Variants in CFAP61 observed in about 807,000 individuals in gnomAD.
CFAP61 encodes the protein cilia- and flagella-associated protein 61.
In CFAP61, 107 loss-of-function variants were observed where a neutral mutation model predicts 135.6. That is an observed-to-expected ratio of 0.79 (90% CI 0.67 to 0.93). The LOEUF is 0.93. CFAP61 is among the 40% of genes least tolerant of loss of function. CFAP61 has a pLI of 0.00. For missense variants in CFAP61, 1,507 were observed against 1,556.2 expected, an observed-to-expected ratio of 0.97 and a Z score of 0.53; for synonymous variants, 575 against 578.5, an observed-to-expected ratio of 0.99 and a Z score of 0.09.
chr20:20,327,215 T>A (rs374115721), intron 25 of CFAP61, among the ~76,000 whole-genome samples: 2 of 152,192 alleles, frequency 1.3e-5, no homozygotes, highest in East Asian at 3.8e-4. Context: ...CCTTTTTTCT[T>A]TCCTCTCCAA....
chr20:20,086,743 G>T (rs1377411079), intron 6 of CFAP61, among the ~76,000 whole-genome samples: 2 of 152,192 alleles, frequency 1.3e-5, no homozygotes, highest in African/African-American at 4.8e-5. Flanking sequence ...AACTGCTACA[G>T]AATTCCTTCT....
intron 6 of CFAP61, among the ~76,000 whole-genome samples, chr20:20,089,063 G>A (rs917395699): frequency 1.3e-5 from 2 of 152,074 alleles, no homozygotes; most frequent in Non-Finnish European, 2.9e-5. Context: ...CTGGCAGGAC[G>A]ATAACCTCTG....
At chr20:20,175,879 T>C (rs955557890) in intron 13 of CFAP61, among the ~76,000 whole-genome samples, 2 of 152,034 alleles carry the variant, frequency 1.3e-5, no homozygotes, top group African/African-American at 4.8e-5. Flanking sequence ...AAAATAATTG[T>C]GATTTATTAC....
At chr20:20,139,617 A>G (rs902503359) in intron 8 of CFAP61, among the ~76,000 whole-genome samples, 4 of 152,210 alleles carry the variant, frequency 2.6e-5, no homozygotes, top group Admixed American at 2.0e-4. Context: ...TAAACCTCGC[A>G]AGACCCCAGA....
intron 25 of CFAP61, among the ~76,000 whole-genome samples, chr20:20,337,309 G>A (rs2058240142): frequency 1.6e-5 from 2 of 122,682 alleles, no homozygotes; most frequent in Admixed American, 8.2e-5. Context: ...TGGATGGATG[G>A]ATGGATGGAT....
intron 26 of CFAP61, 22 bp downstream of exon 26, chr20:20,341,943 G>C: frequency 1.4e-5 from 22 of 1,519,814 alleles, no homozygotes; most frequent in Non-Finnish European, 1.9e-5. Flanking sequence ...TAATGGATAT[G>C]TGGATTATTC....
intron 20 of CFAP61, among the ~76,000 whole-genome samples, chr20:20,255,128 A>G (rs561101019): frequency 6.6e-6 from 1 of 152,302 alleles, no homozygotes; most frequent in South Asian, 2.1e-4. Flanking sequence ...GAAGATGAAG[A>G]TTTAGCTGGC....
At chr20:20,102,847 A>G (rs1319457723) in intron 8 of CFAP61, among the ~76,000 whole-genome samples, 1 of 152,124 alleles carries the variant, frequency 6.6e-6, no homozygotes, top group African/African-American at 2.4e-5. Context: ...TTGCAATTTC[A>G]CACCAACCTC....
In CFAP61 at chr20:20,150,042, A is replaced by C. The variant is rs193226038; in HGVS notation, c.951+7094A>C. ...ATAAACTTGTCGCTCTTAGCAGAGC[A>C]TGGCAAGAGCGAGACTGGCCTCACC... is the stretch of plus-strand genomic sequence containing the variant. On this transcript the variant is annotated intron_variant, in intron 9 of 26. Coordinates refer to ENST00000245957, the MANE Select transcript of CFAP61 (RefSeq NM_015585.4). Among the ~76,000 whole-genome samples the C allele has an allele frequency of 2.7e-3, 410 of 152,260 alleles. 3 individuals carry two copies. Among genetic ancestry groups the C allele is most frequent in the African/African-American group, 9.4e-3 (389 of 41,554 alleles).
intron 25 of CFAP61, among the ~76,000 whole-genome samples, chr20:20,340,153 C>T (rs1168563680): frequency 6.6e-6 from 1 of 152,236 alleles, no homozygotes; most frequent in Non-Finnish European, 1.5e-5. Context: ...AGTGCACAGC[C>T]TCAAGTCGCA....
At chr20:20,306,388 G>A (rs1383091229) in intron 25 of CFAP61, among the ~76,000 whole-genome samples, 2 of 152,046 alleles carry the variant, frequency 1.3e-5, no homozygotes, top group East Asian at 1.9e-4. Flanking sequence ...AGAAAGGCTC[G>A]GATTGAGATT....
At position 20,290,346 on chromosome 20, in the gene CFAP61, T is replaced by A. The variant is rs1404250191; in HGVS notation, c.3171T>A (p.Pro1057=). The change falls in exon 24 of 27, where the codon CCT becomes CCA. Residue 1057 remains proline, a synonymous_variant. Coordinates refer to ENST00000245957, the MANE Select transcript of CFAP61 (RefSeq NM_015585.4). The part of the protein sequence containing the change: ...GSYHYLHIAK[P]AIPTPLEVQM... Reference sequence around the variant, plus strand: ...ACCATTATCTGCATATTGCCAAGCCTGCCATTCCAACTCCCTTGGAGGTAC... The same window carrying A: ...ACCATTATCTGCATATTGCCAAGCCAGCCATTCCAACTCCCTTGGAGGTAC... The A allele has an allele frequency of 1.2e-6, 2 of 1,613,518 alleles. No homozygotes were observed. Among genetic ancestry groups the A allele is most frequent in the Non-Finnish European group, 1.7e-6 (2 of 1,179,480 alleles).
chr20:20,328,759 C>T (rs868617987), intron 25 of CFAP61, among the ~76,000 whole-genome samples: 92 of 152,112 alleles, frequency 6.0e-4, no homozygotes, highest in African/African-American at 1.9e-3. Flanking sequence ...GACATATAGA[C>T]GGCTGGGAAG....
At chr20:20,126,907 A>G (rs1282122914) in intron 8 of CFAP61, among the ~76,000 whole-genome samples, 1 of 151,518 alleles carries the variant, frequency 6.6e-6, no homozygotes, top group Non-Finnish European at 1.5e-5. Flanking sequence ...GGCTTTGTTC[A>G]TATTTTATTA....
At chr20:20,074,961 T>C (rs2045952352) in intron 4 of CFAP61, among the ~76,000 whole-genome samples, 1 of 152,200 alleles carries the variant, frequency 6.6e-6, no homozygotes, top group South Asian at 2.1e-4. Flanking sequence ...TTATTCTCTC[T>C]GCCTCCATGG....
chr20:20,088,448 G>T (rs1259733654), intron 6 of CFAP61, among the ~76,000 whole-genome samples: 1 of 152,164 alleles, frequency 6.6e-6, no homozygotes, highest in African/African-American at 2.4e-5. Context: ...TCACAAGGCA[G>T]CAAGAAAGAA....
At chr20:20,100,413 T>C (rs1010384786) in intron 8 of CFAP61, among the ~76,000 whole-genome samples, 1 of 152,154 alleles carries the variant, frequency 6.6e-6, no homozygotes, top group Non-Finnish European at 1.5e-5. Flanking sequence ...CCTCAGGTGA[T>C]TTACCTGCCT....
chr20:20,249,937 T>C (rs1301787108), intron 19 of CFAP61, among the ~76,000 whole-genome samples: 1 of 152,226 alleles, frequency 6.6e-6, no homozygotes, highest in Non-Finnish European at 1.5e-5. Context: ...ATTTCCTGTA[T>C]TCCTATAAAG....
chr20:20,180,220 T>C lies in CFAP61; in HGVS notation c.1386-7710T>C, dbSNP rs532678073. Among the ~76,000 whole-genome samples the C allele has an allele frequency of 2.0e-5, 3 of 151,750 alleles. No individual in the cohort carries two copies. In the East Asian group the frequency reaches 5.8e-4, roughly 30 times the overall value. On this transcript the variant is annotated intron_variant, in intron 13 of 26. Coordinates refer to ENST00000245957, the MANE Select transcript of CFAP61 (RefSeq NM_015585.4). ...ACTGGGCACCTGTAGTCCCAGCTAC[T>C]GAGGAGGCTGAGGCAGGAGAATGGC...
Sources: gnomAD v4.1 joint callset for allele counts (sites outside exome capture counted in the v4.1 genomes callset) on GRCh38, gnomAD v4.1.1 for gene constraint, MANE v1.5 for transcripts, NCBI Gene and HGNC (gene_info 2026-07-23, HGNC 2026-07-21) for gene names.